AGO3: variants seen among roughly 807,000 people sequenced by gnomAD.
AGO3 encodes argonaute RISC catalytic component 3.
A neutral mutation model predicts 105.5 loss-of-function variants in AGO3; 16 were observed. That is an observed-to-expected ratio of 0.15 (90% CI 0.10 to 0.23). The LOEUF (loss-of-function observed/expected upper bound fraction) is 0.23. Among genes scored for constraint, AGO3 ranks in the 10% least tolerant of loss-of-function variants. The pLI is 1.00. For missense variants in AGO3, 534 were observed against 1,088.0 expected (o/e 0.49, Z 7.16); for synonymous variants, 340 against 367.3 (o/e 0.93, Z 0.85).
chr1:35,997,012 T>C (rs1185197595), intron 5 of AGO3, among the ~76,000 whole-genome samples: 4 of 152,204 alleles, frequency 2.6e-5, no homozygotes, highest in African/African-American at 7.2e-5. Context: ...ACGCAGTGGC[T>C]CTCGCCTGTG....
At chr1:35,966,707 T>G (rs1646781422) in intron 2 of AGO3, among the ~76,000 whole-genome samples, 1 of 152,224 alleles carries the variant, frequency 6.6e-6, no homozygotes, top group Non-Finnish European at 1.5e-5. Context: ...GCAGGTCAGA[T>G]GTATCCTGGA....
At chr1:35,958,553 C>G (rs1189067262) in intron 2 of AGO3, among the ~76,000 whole-genome samples, 1 of 151,210 alleles carries the variant, frequency 6.6e-6, no homozygotes, top group Non-Finnish European at 1.5e-5. Flanking sequence ...CCCAGCTACT[C>G]GGGAGGTTGA....
intron 2 of AGO3, among the ~76,000 whole-genome samples, chr1:35,959,783 T>C (rs1166491302): frequency 6.6e-6 from 1 of 152,172 alleles, no homozygotes; most frequent in Non-Finnish European, 1.5e-5. Flanking sequence ...TAATTTACTA[T>C]ATTTGATGCT....
chr1:36,017,860 G>A (rs947018287), intron 11 of AGO3, among the ~76,000 whole-genome samples: 4 of 151,706 alleles, frequency 2.6e-5, no homozygotes, highest in Non-Finnish European at 5.9e-5. Context: ...CCGAGATCAC[G>A]CCACTGCATC....
At chr1:36,036,969 T>C (rs898158605) in intron 14 of AGO3, among the ~76,000 whole-genome samples, 1 of 152,160 alleles carries the variant, frequency 6.6e-6, no homozygotes, top group Non-Finnish European at 1.5e-5. Context: ...GTGCTGAGAT[T>C]ACAGGTGTGA....
rs953632673 is a variant in AGO3 at position 36,009,119 on chromosome 1, C to G, written c.1029+75C>G. The G allele has an allele frequency of 1.8e-5, 25 of 1,364,884 alleles. 1 individual carries two copies. In the African/African-American group the frequency reaches 4.0e-4, roughly 22 times the overall value. 84.5% of individuals were successfully genotyped at this position (1,364,884 alleles called of 1,614,324 possible). ...GGGGTCTTTTATGGCCGATAACTTA[C>G]CTCATACAGAACATTTATTTTGGAA... On this transcript the variant is annotated intron_variant, in intron 8 of 18. Coordinates refer to ENST00000373191, the MANE Select transcript of AGO3 (RefSeq NM_024852.4).
intron 5 of AGO3, among the ~76,000 whole-genome samples, chr1:36,003,724 ATATATATATATATATG>A (rs1640215689): frequency 7.1e-6 from 1 of 141,754 alleles, no homozygotes; most frequent in Non-Finnish European, 1.5e-5. Flanking sequence ...ATATATATAT[ATATATATATATATATG>A]TATATTTGTA....
chr1:36,000,955 G>T (rs1442190027), intron 5 of AGO3, among the ~76,000 whole-genome samples: 2 of 152,200 alleles, frequency 1.3e-5, no homozygotes, highest in African/African-American at 4.8e-5. Flanking sequence ...ATACTCATGG[G>T]CCAGGCGTGG....
chr1:36,020,852 A>G (rs547570913), intron 11 of AGO3, among the ~76,000 whole-genome samples: 1 of 150,320 alleles, frequency 6.7e-6, no homozygotes, highest in South Asian at 2.1e-4. Context: ...CCTGACCTCA[A>G]GTGGTCTACC....
At chr1:36,000,985 C>T (rs890675233) in intron 5 of AGO3, among the ~76,000 whole-genome samples, 1 of 152,110 alleles carries the variant, frequency 6.6e-6, no homozygotes, top group Non-Finnish European at 1.5e-5. Flanking sequence ...CCTGTAATCC[C>T]AGCACTTTGG....
chr1:36,003,709 A>AAAAAAATAT (rs1295618675), intron 5 of AGO3, among the ~76,000 whole-genome samples: 47 of 99,432 alleles, frequency 4.7e-4, no homozygotes, highest in African/African-American at 1.7e-3. Flanking sequence ...AAAAAAAAAA[A>AAAAAAATAT]ATATATATAT....
chr1:35,988,476 CCT>C (rs1249370670), intron 5 of AGO3, among the ~76,000 whole-genome samples: 3 of 152,068 alleles, frequency 2.0e-5, no homozygotes, highest in Admixed American at 6.6e-5. Flanking sequence ...ACCATTCTAA[CCT>C]CTGTTTCTGT....
At chr1:35,950,734 A>G (rs1332994374) in intron 2 of AGO3, among the ~76,000 whole-genome samples, 1 of 152,224 alleles carries the variant, frequency 6.6e-6, no homozygotes, top group Non-Finnish European at 1.5e-5. Context: ...ATTATGACCT[A>G]GAGTATACAT....
rs1287074819 is a variant in AGO3, at chr1:35,971,962, A to G, written c.313-62A>G. On this transcript the variant is annotated intron_variant, in intron 3 of 18. Transcript: ENST00000373191. ...TCTCTTAGATATTTTTATAAGTTAA[A>G]TCTAAAATAATTGTATTTATCTTTT... 5 of 1,447,822 alleles carry G rather than the reference A, an allele frequency of 3.5e-6. No individual in the cohort carries two copies. The Admixed American group carries it at 9.2e-5, about 27-fold the overall frequency. The allele number at this position is 1,447,822 out of a possible 1,614,324, so 89.7% of individuals were successfully genotyped here.
intron 1 of AGO3, among the ~76,000 whole-genome samples, chr1:35,939,494 T>C (rs1368561908): frequency 6.6e-6 from 1 of 152,178 alleles, no homozygotes; most frequent in African/African-American, 2.4e-5. Flanking sequence ...AATGTTCTCC[T>C]CTTGTAGAGG....
intron 17 of AGO3, among the ~76,000 whole-genome samples, chr1:36,053,899 T>A (rs959477810): frequency 1.3e-5 from 2 of 151,884 alleles, no homozygotes; most frequent in Admixed American, 1.3e-4. Flanking sequence ...CAGGCACGCA[T>A]CACCACGCCT....
rs536781493 is a variant in AGO3, at chr1:35,958,235, G to A, written c.192-8720G>A. 2.6e-5 allele frequency among the ~76,000 whole-genome samples: 4 copies of A among 151,988 alleles called. No individual in the cohort carries two copies. In the East Asian group the frequency reaches 7.8e-4, roughly 30 times the overall value. On this transcript the variant is annotated intron_variant, in intron 2 of 18. Transcript: ENST00000373191. ...GTTTCTACTAAAAATAAAAAAATTA[G>A]CCAGGCATGGTGGTGCGCGTTTGTA...
intron 3 of AGO3, 28 bp downstream of exon 3, chr1:35,967,103 G>T (rs762279734): frequency 6.3e-7 from 1 of 1,590,376 alleles, no homozygotes. Flanking sequence ...GTATTGGAAA[G>T]GTATATTTTT....
intron 2 of AGO3, among the ~76,000 whole-genome samples, chr1:35,947,963 A>G (rs1646397790): frequency 6.6e-6 from 1 of 152,210 alleles, no homozygotes; most frequent in South Asian, 2.1e-4. Flanking sequence ...AGGCTGAGGC[A>G]GGAGGATTAC....
Sources: allele counts gnomAD v4.1 joint callset (sites outside exome capture counted in the v4.1 genomes callset), GRCh38; gene constraint gnomAD v4.1.1; transcripts MANE v1.5; gene names NCBI Gene and HGNC (gene_info 2026-07-23, HGNC 2026-07-21).